CCDC47: variants seen among roughly 807,000 people sequenced by gnomAD.
CCDC47 encodes the protein coiled-coil domain containing 47.
In CCDC47, 41 loss-of-function variants were observed where a neutral mutation model predicts 60.5. The ratio of observed to expected loss-of-function variants is 0.68; its 90% confidence interval spans 0.53 to 0.88. The LOEUF (loss-of-function observed/expected upper bound fraction) is 0.88, where lower values mean the gene tolerates loss of function less well. Ranked by LOEUF, CCDC47 falls within the 40% of genes least tolerant of loss-of-function variation. The pLI, the probability that CCDC47 is intolerant of heterozygous loss-of-function variation, is 0.00. For synonymous variants in CCDC47, 195 were observed against 190.7 expected (o/e 1.02, Z -0.18); for missense variants, 513 against 580.9 (o/e 0.88, Z 1.20).
intron 12 of CCDC47, among the ~76,000 whole-genome samples, chr17:63,750,871 G>A (rs140322857): frequency 1.6e-3 from 240 of 151,488 alleles, no homozygotes; most frequent in South Asian, 5.2e-3. Flanking sequence ...ACAGGCGTGA[G>A]CCACCACGCC....
Position 63,746,864 on chromosome 17 carries a change from A to T in CCDC47, c.*17T>A, listed in dbSNP as rs1211084892. The T allele has an allele frequency of 1.3e-6, 2 of 1,598,996 alleles. No homozygotes were observed. Among genetic ancestry groups the T allele is most frequent in the Admixed American group, 3.3e-5 (2 of 59,960 alleles). On this transcript the variant is annotated 3_prime_UTR_variant, in exon 13 of 13. Transcript: ENST00000225726. The stretch of plus-strand genomic sequence containing the variant: ...GAGCTTACAGGTGGCATCAGAACTC[A>T]AATCTCTGGGATGGCTTTACATGGC...
chr17:63,753,584 A>T, intron 9 of CCDC47: 10 of 943,100 alleles, frequency 1.1e-5, no homozygotes, highest in Non-Finnish European at 1.3e-5. Context: ...TGCTCTCCTG[A>T]GACAGGCTGT....
In CCDC47 at chr17:63,761,477, C is replaced by G. The variant is rs535124388; in HGVS notation, c.548-126G>C. 40 of 802,904 alleles carry G rather than the reference C, an allele frequency of 5.0e-5. No individual in the cohort carries two copies. In the East Asian group the frequency reaches 1.0e-3, roughly 21 times the overall value. The allele number at this position is 802,904 out of a possible 1,614,324, so 49.7% of individuals were successfully genotyped here. A position where few individuals can be genotyped will look rare whatever the true frequency, so the allele number is the denominator to read the frequency against. Reference sequence around the variant, plus strand: ...TGGGTGGATCACGAGGTCAGGAGTTCGAGACCAGCCTGGCCAGCATGGTGA... The same window carrying G: ...TGGGTGGATCACGAGGTCAGGAGTTGGAGACCAGCCTGGCCAGCATGGTGA... On this transcript the variant is annotated intron_variant, in intron 4 of 12. Coordinates refer to ENST00000225726, the MANE Select transcript of CCDC47 (RefSeq NM_020198.3).
chr17:63,757,475 G>C (rs1331967558), intron 6 of CCDC47, among the ~76,000 whole-genome samples: 1 of 151,786 alleles, frequency 6.6e-6, no homozygotes, highest in African/African-American at 2.4e-5. Context: ...CTAAGCTTCA[G>C]AGAACTCTAA....
chr17:63,747,587 A>G (rs2039130340), intron 12 of CCDC47: 2 of 984,980 alleles, frequency 2.0e-6, no homozygotes. Context: ...TAGAAGCCTT[A>G]GAGGTCAAGT....
At chr17:63,765,819 A>G in intron 2 of CCDC47, 93 bp downstream of exon 2, 1 of 1,416,124 alleles carries the variant, frequency 7.1e-7, no homozygotes, top group South Asian at 1.4e-5. Flanking sequence ...GACTCCAGAC[A>G]GTAAAGGTCT....
chr17:63,771,620 A>C (rs1427014740), intron 1 of CCDC47, among the ~76,000 whole-genome samples: 1 of 152,146 alleles, frequency 6.6e-6, no homozygotes, highest in Non-Finnish European at 1.5e-5. Flanking sequence ...TATATTTTCC[A>C]CTTCCACTAG....
chr17:63,751,962 G>T lies in CCDC47; in HGVS notation c.1349C>A (p.Pro450His). The T allele has an allele frequency of 6.2e-7, 1 of 1,613,664 alleles. No individual in the cohort carries two copies. The stretch of plus-strand genomic sequence containing the variant: ...AACCTCCAGCCTGCGCTGTTTCTCA[G>T]GATCTTCCTCATTCATGATTCGCTC... ...EKERIMNEED[P>H]EKQRRLEEAA... The change falls in exon 12 of 13, where the codon CCT becomes CAT. Residue 450 changes from proline (P) to histidine (H), a missense_variant. By Grantham distance (77) the Pro-to-His change is moderately conservative. Coordinates refer to ENST00000225726, the MANE Select transcript of CCDC47 (RefSeq NM_020198.3).
chr17:63,759,609 A>C (rs1259023561), intron 6 of CCDC47, among the ~76,000 whole-genome samples: 1 of 134,546 alleles, frequency 7.4e-6, no homozygotes, highest in Non-Finnish European at 1.6e-5. Flanking sequence ...TAACATTTGA[A>C]AGTACCCAAT....
intron 6 of CCDC47, among the ~76,000 whole-genome samples, chr17:63,757,869 A>T (rs753291069): frequency 2.0e-5 from 3 of 152,160 alleles, no homozygotes; most frequent in Non-Finnish European, 4.4e-5. Context: ...GACTTAACAT[A>T]GACCCTAGTT....
intron 12 of CCDC47, among the ~76,000 whole-genome samples, chr17:63,750,975 A>C (rs2039159104): frequency 6.6e-6 from 1 of 151,722 alleles, no homozygotes; most frequent in African/African-American, 2.4e-5. Flanking sequence ...CCCAGGTTCA[A>C]GTAATCCTTC....
At chr17:63,762,278 CA>C (rs2144490284) in intron 4 of CCDC47, 1 of 980,190 alleles carries the variant, frequency 1.0e-6, no homozygotes, top group Admixed American at 6.2e-5. Context: ...TAGAAGGAGC[CA>C]AAGCTGCTCA....
chr17:63,751,777 A>C, intron 12 of CCDC47, 163 bp downstream of exon 12: 1 of 731,714 alleles, frequency 1.4e-6, no homozygotes, highest in South Asian at 1.5e-5. Flanking sequence ...TTGAACAGGA[A>C]GGATTATTTA....
At chr17:63,750,471 G>GC (rs2039154384) in intron 12 of CCDC47, among the ~76,000 whole-genome samples, 1 of 152,124 alleles carries the variant, frequency 6.6e-6, no homozygotes, top group Non-Finnish European at 1.5e-5. Context: ...TCAAATGCAG[G>GC]CCCGCACAGC....
chr17:63,751,042 T>A (rs553397468), intron 12 of CCDC47, among the ~76,000 whole-genome samples: 1,284 of 18,388 alleles, frequency 0.07, 16 homozygotes, highest in African/African-American at 0.36. Context: ...GCACAGCTAA[T>A]TTTTTTTTTT....
intron 1 of CCDC47, among the ~76,000 whole-genome samples, chr17:63,769,076 T>A (rs1285512360): frequency 6.8e-6 from 1 of 146,632 alleles, no homozygotes; most frequent in African/African-American, 2.5e-5. Flanking sequence ...ACAGGGAGAC[T>A]CTGTCTCAAA....
intron 8 of CCDC47, among the ~76,000 whole-genome samples, chr17:63,754,874 C>G (rs1449431420): frequency 6.9e-6 from 1 of 145,496 alleles, no homozygotes; most frequent in Non-Finnish European, 1.5e-5. Context: ...CAGAGCAACA[C>G]TCTGTCTCAA....
At chr17:63,762,813 G>A (rs987694116) in intron 4 of CCDC47, among the ~76,000 whole-genome samples, 7 of 152,156 alleles carry the variant, frequency 4.6e-5, no homozygotes, top group African/African-American at 1.4e-4. Flanking sequence ...CTTGGTTTCC[G>A]TCAGAATTTT....
intron 1 of CCDC47, among the ~76,000 whole-genome samples, chr17:63,771,040 G>GAA (rs1406461023): frequency 2.8e-5 from 4 of 140,848 alleles, no homozygotes; most frequent in Non-Finnish European, 4.6e-5. Context: ...AAGGAAGGAA[G>GAA]GAAGGAAGAA....
Sources: allele counts gnomAD v4.1 joint callset (sites outside exome capture counted in the v4.1 genomes callset), GRCh38; gene constraint gnomAD v4.1.1; transcripts MANE v1.5; gene names NCBI Gene and HGNC (gene_info 2026-07-23, HGNC 2026-07-21).